The following KITLG variants were observed in gnomAD, a reference collection of about 807,000 sequenced individuals.
The protein encoded by KITLG is c-Kit ligand.
In KITLG, 13 loss-of-function variants were observed where a neutral mutation model predicts 34.1. The observed-to-expected ratio is 0.38, with a 90% CI of 0.25 to 0.61. The LOEUF is 0.61. Among genes scored for constraint, KITLG ranks in the 20% least tolerant of loss-of-function variants. The pLI, the probability that KITLG is intolerant of heterozygous loss-of-function variation, is 0.60. For missense variants in KITLG, 292 were observed against 318.9 expected, an observed-to-expected ratio of 0.92 and a Z score of 0.64; for synonymous variants, 110 against 104.0, an observed-to-expected ratio of 1.06 and a Z score of -0.35.
intron 1 of KITLG, among the ~76,000 whole-genome samples, chr12:88,566,260 A>G (rs1871440368): frequency 6.6e-6 from 1 of 152,176 alleles, no homozygotes; most frequent in Non-Finnish European, 1.5e-5. Flanking sequence ...GTCTGGATCC[A>G]TTCTTAGAAT....
chr12:88,513,729 T>C (rs1467939949), intron 6 of KITLG, among the ~76,000 whole-genome samples: 2 of 151,586 alleles, frequency 1.3e-5, no homozygotes, highest in African/African-American at 2.4e-5. Flanking sequence ...CAATAATCAA[T>C]GTATAAGCCC....
At chr12:88,562,932 T>C (rs1192412308) in intron 1 of KITLG, among the ~76,000 whole-genome samples, 2 of 152,126 alleles carry the variant, frequency 1.3e-5, no homozygotes, top group Non-Finnish European at 2.9e-5. Context: ...CTTTCCTTTA[T>C]TGACAAAAAG....
intron 3 of KITLG, among the ~76,000 whole-genome samples, chr12:88,519,471 A>C (rs569743185): frequency 1.1e-3 from 164 of 152,328 alleles, no homozygotes; most frequent in African/African-American, 3.7e-3. Flanking sequence ...TAAAAGCACA[A>C]ATAATTTAAT....
intron 9 of KITLG, among the ~76,000 whole-genome samples, chr12:88,502,680 C>T (rs765896337): frequency 3.9e-5 from 6 of 152,138 alleles, no homozygotes; most frequent in Admixed American, 1.3e-4. Flanking sequence ...CCTGGGTTTC[C>T]GTATCCTAAT....
intron 3 of KITLG, among the ~76,000 whole-genome samples, chr12:88,531,690 A>T (rs777248140): frequency 6.6e-6 from 1 of 152,038 alleles, no homozygotes; most frequent in Non-Finnish European, 1.5e-5. Context: ...GCTATGAAAA[A>T]GAATTTACAT....
At chr12:88,580,173 G>T in intron 1 of KITLG, 91 bp downstream of exon 1, 2 of 1,366,302 alleles carry the variant, frequency 1.5e-6, no homozygotes, top group Non-Finnish European at 2.0e-6. Context: ...GCACGCCCCA[G>T]CTGCAAGTCC....
At chr12:88,532,343 C>A in intron 3 of KITLG, 98 bp downstream of exon 3, 1 of 901,910 alleles carries the variant, frequency 1.1e-6, no homozygotes, top group Non-Finnish European at 1.8e-6. Context: ...TGACAATAAG[C>A]AAGCTCCTAA....
At chr12:88,541,548 T>C (rs1315445828) in intron 2 of KITLG, among the ~76,000 whole-genome samples, 1 of 152,160 alleles carries the variant, frequency 6.6e-6, no homozygotes, top group African/African-American at 2.4e-5. Flanking sequence ...CCTTCCTATA[T>C]GAACAATTAC....
chr12:88,577,559 AAG>A lies in KITLG; in HGVS notation c.15+2703_15+2704del, dbSNP rs1383786896. On this transcript the variant is annotated intron_variant, in intron 1 of 9. Transcript: ENST00000644744. ...TGTTTAAAAAATAGTTACACATTGA[AAG>A]AGATGTTTTTTCTAAGCCCAAGCCA... 5.9e-5 allele frequency among the ~76,000 whole-genome samples: 9 copies of A among 152,326 alleles called. No individual in the cohort carries two copies. The East Asian group carries it at 1.7e-3, about 29-fold the overall frequency.
At chr12:88,531,020 G>A (rs1333482571) in intron 3 of KITLG, among the ~76,000 whole-genome samples, 1 of 152,178 alleles carries the variant, frequency 6.6e-6, no homozygotes, top group Non-Finnish European at 1.5e-5. Context: ...TTGTAGAGAA[G>A]AGAGTAACTC....
At chr12:88,569,564 CTTTT>C (rs1566037126) in intron 1 of KITLG, among the ~76,000 whole-genome samples, 1 of 152,024 alleles carries the variant, frequency 6.6e-6, no homozygotes, top group Non-Finnish European at 1.5e-5. Context: ...GGACTAAGTG[CTTTT>C]TTGTGGATTA....
At chr12:88,497,999 T>C (rs11104906) in intron 9 of KITLG, among the ~76,000 whole-genome samples, 1 of 152,202 alleles carries the variant, frequency 6.6e-6, no homozygotes, top group Non-Finnish European at 1.5e-5. Context: ...TGTTGAAGCA[T>C]GAAAGCCATA....
At chr12:88,552,339 CT>C (rs1311280940) in intron 1 of KITLG, among the ~76,000 whole-genome samples, 1 of 149,740 alleles carries the variant, frequency 6.7e-6, no homozygotes, top group Non-Finnish European at 1.5e-5. Flanking sequence ...CATGGCTGGC[CT>C]TTTTCTTTTC....
At chr12:88,527,429 T>A (rs1869915247) in intron 3 of KITLG, among the ~76,000 whole-genome samples, 1 of 152,188 alleles carries the variant, frequency 6.6e-6, no homozygotes, top group African/African-American at 2.4e-5. Flanking sequence ...AAATTGTGCA[T>A]ACCTGAGGAA....
chr12:88,549,535 T>C (rs1354913010), intron 1 of KITLG, among the ~76,000 whole-genome samples: 1 of 152,140 alleles, frequency 6.6e-6, no homozygotes, highest in East Asian at 1.9e-4. Flanking sequence ...AAGATGACTA[T>C]AAGAACTTTG....
intron 1 of KITLG, among the ~76,000 whole-genome samples, chr12:88,575,639 T>C (rs1871801461): frequency 1.3e-5 from 2 of 152,168 alleles, no homozygotes; most frequent in Non-Finnish European, 2.9e-5. Context: ...TATAAAAATA[T>C]CTTGGTGTTC....
At position 88,518,675 on chromosome 12, in the gene KITLG, A is replaced by T. The variant is rs368530627; in HGVS notation, c.363+22T>A. ...TTTTAGAGAAGCGTAATGAAAAATAATCCCAATGAACACAAAGTTACCTTA... is the reference window on the plus strand; with the variant it reads ...TTTTAGAGAAGCGTAATGAAAAATATTCCCAATGAACACAAAGTTACCTTA... On this transcript the variant is annotated intron_variant, in intron 4 of 9. Transcript: ENST00000644744. 1.9e-6 allele frequency: 3 copies of T among 1,597,758 alleles called. No homozygotes were observed. In the African/African-American group the frequency reaches 4.0e-5, roughly 21 times the overall value.
At chr12:88,522,573 A>G (rs561436415) in intron 3 of KITLG, among the ~76,000 whole-genome samples, 2 of 151,954 alleles carry the variant, frequency 1.3e-5, no homozygotes, top group African/African-American at 4.8e-5. Context: ...GATTACGGGC[A>G]TCTGCCACCA....
intron 1 of KITLG, among the ~76,000 whole-genome samples, chr12:88,559,319 G>C (rs768387862): frequency 2.8e-4 from 43 of 152,172 alleles, no homozygotes; most frequent in Non-Finnish European, 5.4e-4. Context: ...AGACAGGCTG[G>C]CTGTGGGCAT....
Sources: allele counts gnomAD v4.1 joint callset (sites outside exome capture counted in the v4.1 genomes callset), GRCh38; gene constraint gnomAD v4.1.1; transcripts MANE v1.5; gene names NCBI Gene and HGNC (gene_info 2026-07-23, HGNC 2026-07-21).